Variants in LBH observed in about 807,000 individuals in gnomAD.
The protein encoded by LBH is LBH regulator of Wnt signaling pathway, also known as protein LBH.
A neutral mutation model predicts 12.5 loss-of-function variants in LBH; 7 were observed. The observed-to-expected ratio is 0.56, with a 90% CI of 0.32 to 1.05. LBH has a LOEUF of 1.05. Ranked by LOEUF, LBH falls within the 50% of genes least tolerant of loss-of-function variation. LBH has a pLI of 0.04. For missense variants in LBH, 119 were observed against 138.9 expected (o/e 0.86, Z 0.72); for synonymous variants, 51 against 50.1 (o/e 1.02, Z -0.08).
At chr2:30,237,849 G>A (rs915862780) in intron 2 of LBH, among the ~76,000 whole-genome samples, 4 of 152,194 alleles carry the variant, frequency 2.6e-5, no homozygotes, top group Non-Finnish European at 5.9e-5. Context: ...TGTGGGGTGG[G>A]TGAGTAAATG....
chr2:30,251,466 C>T (rs1435473927), intron 2 of LBH, among the ~76,000 whole-genome samples: 1 of 151,848 alleles, frequency 6.6e-6, no homozygotes, highest in African/African-American at 2.4e-5. Flanking sequence ...CTGGAGGCCA[C>T]CAGGCAAAGG....
intron 2 of LBH, among the ~76,000 whole-genome samples, chr2:30,246,724 T>A (rs1403414676): frequency 1.3e-5 from 2 of 152,156 alleles, no homozygotes; most frequent in Non-Finnish European, 2.9e-5. Flanking sequence ...TCACTAGTTT[T>A]TTTCCTCTTT....
chr2:30,242,956 T>G (rs1353052020), intron 2 of LBH, among the ~76,000 whole-genome samples: 1 of 152,186 alleles, frequency 6.6e-6, no homozygotes, highest in Non-Finnish European at 1.5e-5. Context: ...AGCCTTCTGA[T>G]TATATGTTAC....
chr2:30,257,862 C>T lies in LBH; in HGVS notation c.*241C>T. On this transcript the variant is annotated 3_prime_UTR_variant, in exon 3 of 3. Transcript: ENST00000395323. The stretch of plus-strand genomic sequence containing the variant: ...TTGCAAGGCCCTCTGAGAAAGGAAG[C>T]TGCTTAGAGCCAGGGGGTTAGTGGG... The T allele has an allele frequency of 5.5e-6, 2 of 362,818 alleles. No individual in the cohort carries two copies. Among genetic ancestry groups the T allele is most frequent in the Non-Finnish European group, 9.8e-6 (2 of 203,492 alleles). 22.5% of individuals were successfully genotyped at this position (362,818 alleles called of 1,614,324 possible).
intron 2 of LBH, among the ~76,000 whole-genome samples, chr2:30,250,647 C>A (rs927748682): frequency 3.9e-5 from 6 of 151,904 alleles, no homozygotes; most frequent in Non-Finnish European, 7.4e-5. Context: ...CAGTTGATAG[C>A]CCGGTCCCTA....
At chr2:30,235,369 G>T (rs1677671284) in intron 2 of LBH, among the ~76,000 whole-genome samples, 1 of 152,106 alleles carries the variant, frequency 6.6e-6, no homozygotes, top group Non-Finnish European at 1.5e-5. Flanking sequence ...GTGTAGGATG[G>T]CCAGCCCAGG....
chr2:30,247,344 T>G (rs1337266948), intron 2 of LBH, among the ~76,000 whole-genome samples: 1 of 152,228 alleles, frequency 6.6e-6, no homozygotes, highest in African/African-American at 2.4e-5. Context: ...AAATCACATT[T>G]CTTAATGTCT....
intron 2 of LBH, among the ~76,000 whole-genome samples, chr2:30,240,766 G>A (rs1428476118): frequency 6.6e-6 from 1 of 152,156 alleles, no homozygotes; most frequent in Non-Finnish European, 1.5e-5. Context: ...CTCTCCGGTG[G>A]ACTTAATTGC....
intron 2 of LBH, among the ~76,000 whole-genome samples, 173 bp downstream of exon 2, chr2:30,234,680 C>T (rs1355717371): frequency 6.6e-6 from 1 of 152,156 alleles, no homozygotes; most frequent in East Asian, 1.9e-4. Flanking sequence ...GGGCAACAAT[C>T]GTCCTTATCT....
In LBH at chr2:30,257,437, T is replaced by TCCCAGA; in HGVS notation, c.138_143dup (p.Asp47_Pro48dup). On this transcript the variant is annotated inframe_insertion, in exon 3 of 3. Coordinates refer to ENST00000395323, the MANE Select transcript of LBH (RefSeq NM_030915.4). ...CCTGCTCTGCTTTTCTTTCAGATCT[T>TCCCAGA]CCCAGACCCGTCAGATTTTGACCGC... 4 of 1,614,062 alleles carry TCCCAGA rather than the reference T, an allele frequency of 2.5e-6. No homozygotes were observed. The highest frequency in any genetic ancestry group is 3.4e-6 in the Non-Finnish European group (4 of 1,179,922).
intron 1 of LBH, chr2:30,232,260 T>A: frequency 6.7e-7 from 1 of 1,503,008 alleles, no homozygotes; most frequent in Non-Finnish European, 8.9e-7. Flanking sequence ...GGAAACGCTC[T>A]CCCCACACGT....
intron 1 of LBH, chr2:30,232,030 G>A: frequency 3.1e-6 from 4 of 1,299,864 alleles, no homozygotes; most frequent in Non-Finnish European, 4.1e-6. Flanking sequence ...GGTTGGCGGG[G>A]GAGCCAGGGG....
At chr2:30,241,463 T>TC (rs1264157353) in intron 2 of LBH, among the ~76,000 whole-genome samples, 69 of 149,694 alleles carry the variant, frequency 4.6e-4, no homozygotes, top group African/African-American at 1.7e-3. Flanking sequence ...TTTCTTTCTT[T>TC]TTTTTTTTTT....
chr2:30,254,790 C>A (rs1381329715), intron 2 of LBH, among the ~76,000 whole-genome samples: 1 of 152,212 alleles, frequency 6.6e-6, no homozygotes, highest in Non-Finnish European at 1.5e-5. Flanking sequence ...GGAGGCAGGG[C>A]CAGGCTCTTC....
At chr2:30,242,733 C>T (rs1051787714) in intron 2 of LBH, among the ~76,000 whole-genome samples, 1 of 152,158 alleles carries the variant, frequency 6.6e-6, no homozygotes, top group Admixed American at 6.5e-5. Flanking sequence ...AATATAATAT[C>T]GTGACTATGT....
intron 1 of LBH, chr2:30,234,130 C>G: frequency 2.7e-6 from 1 of 370,104 alleles, no homozygotes; most frequent in Middle Eastern, 7.3e-4. Flanking sequence ...CAGGGTCCCT[C>G]TGTGCCAGTG....
chr2:30,231,863 G>A (rs1677591371), intron 1 of LBH, 99 bp downstream of exon 1: 1 of 1,098,580 alleles, frequency 9.1e-7, no homozygotes, highest in African/African-American at 1.7e-5. Context: ...GGCAGCCGGC[G>A]GCGCGGGCGC....
In LBH at chr2:30,259,338, CTG is replaced by C. The variant is rs1408743792; in HGVS notation, c.*1722_*1723del. On this transcript the variant is annotated 3_prime_UTR_variant, in exon 3 of 3. Transcript: ENST00000395323. ...CTTGCTTCCTCCCTCTGTTGTCTGC[CTG>C]TGTGACACACATCAATGGCAATAAC... 2 of 152,730 alleles carry C rather than the reference CTG, an allele frequency of 1.3e-5. No individual in the cohort carries two copies. Among genetic ancestry groups the C allele is most frequent in the African/African-American group, 4.8e-5 (2 of 41,444 alleles). The allele number at this position is 152,730 out of a possible 1,614,324, so 9.5% of individuals were successfully genotyped here.
intron 2 of LBH, among the ~76,000 whole-genome samples, chr2:30,245,280 A>G (rs1677852297): frequency 6.6e-6 from 1 of 152,212 alleles, no homozygotes; most frequent in South Asian, 2.1e-4. Flanking sequence ...TCAAATTCTT[A>G]TGGTATTTGT....
Sources: gnomAD v4.1 joint callset for allele counts (sites outside exome capture counted in the v4.1 genomes callset) on GRCh38, gnomAD v4.1.1 for gene constraint, MANE v1.5 for transcripts, NCBI Gene and HGNC (gene_info 2026-07-23, HGNC 2026-07-21) for gene names.